Variants in FRMD4B observed in about 807,000 individuals in gnomAD.
The protein encoded by FRMD4B is FERM domain-containing protein 4B.
In FRMD4B, 74 loss-of-function variants were observed where a neutral mutation model predicts 141.5. The observed-to-expected ratio is 0.52, with a 90% CI of 0.43 to 0.63. The LOEUF is 0.63. Ranked by LOEUF, FRMD4B falls within the 30% of genes least tolerant of loss-of-function variation. The probability of loss-of-function intolerance (pLI) is 0.00; values close to 1 mark genes in which losing one functional copy is unlikely to be tolerated. For missense variants in FRMD4B, 1,366 were observed against 1,253.4 expected (o/e 1.09, Z -1.36); for synonymous variants, 506 against 467.9 (o/e 1.08, Z -1.05).
intron 1 of FRMD4B, among the ~76,000 whole-genome samples, chr3:69,380,565 C>T (rs911609065): frequency 6.6e-6 from 1 of 152,162 alleles, no homozygotes; most frequent in Non-Finnish European, 1.5e-5. Flanking sequence ...TCTGTTCCCC[C>T]ACTCTTACCC....
At chr3:69,477,304 C>G (rs1706018725) in intron 1 of FRMD4B, among the ~76,000 whole-genome samples, 1 of 147,836 alleles carries the variant, frequency 6.8e-6, no homozygotes, top group Non-Finnish European at 1.5e-5. Context: ...GGAATGCTTC[C>G]AGTTTTTGCC....
chr3:69,244,619 C>T (rs1392971625), intron 7 of FRMD4B, among the ~76,000 whole-genome samples: 6 of 150,962 alleles, frequency 4.0e-5, no homozygotes, highest in Non-Finnish European at 8.8e-5. Context: ...GGCGACAGAG[C>T]GAGACTCTGT....
At chr3:69,435,725 T>A (rs1045426834) in intron 1 of FRMD4B, among the ~76,000 whole-genome samples, 13 of 152,170 alleles carry the variant, frequency 8.5e-5, no homozygotes, top group Admixed American at 7.9e-4. Flanking sequence ...GTCTTTCCAA[T>A]CTTCAAGGGG....
rs558140074 is a variant in FRMD4B, at chr3:69,224,926, T to G, written c.582-236A>C. Among the ~76,000 whole-genome samples the G allele has an allele frequency of 4.6e-5, 7 of 152,342 alleles. No homozygotes were observed. In the South Asian group the frequency reaches 1.4e-3, roughly 32 times the overall value. On this transcript the variant is annotated intron_variant, in intron 7 of 22. Transcript: ENST00000398540. Reference sequence around the variant, plus strand: ...TGTCTATTTTACACGTAACTATGATTATAATTGTACATTTTTCACATTGTA... The same window carrying G: ...TGTCTATTTTACACGTAACTATGATGATAATTGTACATTTTTCACATTGTA...
chr3:69,258,961 C>A (rs1367127583), intron 5 of FRMD4B, among the ~76,000 whole-genome samples: 1 of 152,168 alleles, frequency 6.6e-6, no homozygotes, highest in Non-Finnish European at 1.5e-5. Flanking sequence ...TTGTAGAAGA[C>A]AATTTTCCCA....
At chr3:69,315,899 T>C (rs141502638) in intron 1 of FRMD4B, among the ~76,000 whole-genome samples, 31 of 152,284 alleles carry the variant, frequency 2.0e-4, no homozygotes, top group African/African-American at 7.0e-4. Context: ...ATAAACCTAA[T>C]TGAAAAAGAA....
chr3:69,441,591 A>C (rs1421218990), intron 1 of FRMD4B, among the ~76,000 whole-genome samples: 23 of 152,164 alleles, frequency 1.5e-4, no homozygotes, highest in Admixed American at 1.5e-3. Flanking sequence ...TCCCCACGAT[A>C]TACTATAAGC....
At chr3:69,291,915 T>C (rs1448901243) in intron 4 of FRMD4B, among the ~76,000 whole-genome samples, 1 of 143,426 alleles carries the variant, frequency 7.0e-6, no homozygotes. Flanking sequence ...AATCTCTTTT[T>C]TTTTTTTTTT....
chr3:69,493,480 G>A (rs952127665), intron 1 of FRMD4B, among the ~76,000 whole-genome samples: 4 of 152,184 alleles, frequency 2.6e-5, no homozygotes, highest in African/African-American at 7.2e-5. Flanking sequence ...ATTTAGACCA[G>A]GTCTGGCTGC....
chr3:69,472,175 A>C (rs1705903652), intron 1 of FRMD4B: 1 of 249,124 alleles, frequency 4.0e-6, no homozygotes, highest in Admixed American at 4.1e-5. Flanking sequence ...TCACTTCCAA[A>C]AACAGAAAGA....
chr3:69,297,937 G>C (rs989837598), intron 4 of FRMD4B, among the ~76,000 whole-genome samples: 6 of 152,106 alleles, frequency 3.9e-5, no homozygotes, highest in African/African-American at 1.2e-4. Context: ...GAAGACAAAG[G>C]TTTAATCTTG....
intron 7 of FRMD4B, among the ~76,000 whole-genome samples, chr3:69,245,042 A>C (rs2093413041): frequency 1.3e-5 from 2 of 152,324 alleles, no homozygotes; most frequent in Admixed American, 1.3e-4. Flanking sequence ...TCAATTTGGT[A>C]AAATAAGATG....
chr3:69,351,330 C>T (rs1020828115), intron 1 of FRMD4B, among the ~76,000 whole-genome samples: 2 of 152,134 alleles, frequency 1.3e-5, no homozygotes, highest in African/African-American at 2.4e-5. Flanking sequence ...CAGGGACAAA[C>T]GTAAGTCTCA....
chr3:69,210,566 G>T (rs553659139), intron 11 of FRMD4B, among the ~76,000 whole-genome samples: 57 of 152,208 alleles, frequency 3.7e-4, no homozygotes, highest in African/African-American at 1.3e-3. Context: ...AAAAAGTAAA[G>T]CTGCTTATTG....
intron 5 of FRMD4B, among the ~76,000 whole-genome samples, chr3:69,283,307 C>G (rs1325996558): frequency 2.6e-5 from 4 of 151,740 alleles, no homozygotes; most frequent in Admixed American, 6.6e-5. Context: ...TCGCTTGAGC[C>G]CAGGAGGCAG....
At chr3:69,228,482 A>G in intron 7 of FRMD4B, 2 of 456,288 alleles carry the variant, frequency 4.4e-6, no homozygotes, top group South Asian at 1.5e-5. Context: ...CCCATGTTTC[A>G]TATAAGATAC....
chr3:69,461,877 C>T (rs1468622245), intron 1 of FRMD4B, among the ~76,000 whole-genome samples: 2 of 152,010 alleles, frequency 1.3e-5, no homozygotes, highest in African/African-American at 2.4e-5. Context: ...AAAAGTGTCC[C>T]GTTTGGATGA....
intron 1 of FRMD4B, among the ~76,000 whole-genome samples, chr3:69,330,901 G>C (rs745768868): frequency 6.6e-6 from 1 of 152,168 alleles, no homozygotes; most frequent in Non-Finnish European, 1.5e-5. Context: ...AGCACCGGTG[G>C]AAGATGTTTC....
intron 1 of FRMD4B, among the ~76,000 whole-genome samples, chr3:69,369,064 A>T (rs1006940129): frequency 6.6e-6 from 1 of 152,232 alleles, no homozygotes; most frequent in Non-Finnish European, 1.5e-5. Context: ...GAATACACCT[A>T]TTATGGAGTC....
Sources: allele counts gnomAD v4.1 joint callset (sites outside exome capture counted in the v4.1 genomes callset), GRCh38; gene constraint gnomAD v4.1.1; transcripts MANE v1.5; gene names NCBI Gene and HGNC (gene_info 2026-07-23, HGNC 2026-07-21).